FRY: variants seen among roughly 807,000 people sequenced by gnomAD.
FRY encodes the protein FRY microtubule binding protein.
In FRY, 128 loss-of-function variants were observed where a neutral mutation model predicts 348.4. The ratio of observed to expected loss-of-function variants is 0.37; its 90% confidence interval spans 0.32 to 0.43. The LOEUF is 0.43. Among genes scored for constraint, FRY ranks in the 20% least tolerant of loss-of-function variants. FRY has a pLI of 1.00. For synonymous variants in FRY, 1,370 were observed against 1,374.7 expected (o/e 1.00, Z 0.08); for missense variants, 2,736 against 3,695.2 (o/e 0.74, Z 6.73).
intron 58 of FRY, among the ~76,000 whole-genome samples, chr13:32,280,356 C>A (rs1593845334): frequency 6.6e-6 from 1 of 152,212 alleles, no homozygotes; most frequent in East Asian, 1.9e-4. Context: ...CCTATATATG[C>A]ATCTGTGATG....
At chr13:32,135,286 A>T in intron 10 of FRY, 103 bp downstream of exon 10, 1 of 748,574 alleles carries the variant, frequency 1.3e-6, no homozygotes, top group East Asian at 2.6e-5. Flanking sequence ...CAGATAGGAA[A>T]AGTACCTAAA....
At chr13:32,247,978 G>A (rs1226404551) in intron 48 of FRY, among the ~76,000 whole-genome samples, 1 of 152,196 alleles carries the variant, frequency 6.6e-6, no homozygotes, top group Non-Finnish European at 1.5e-5. Context: ...GGGCAGGGGA[G>A]AGAGAGGGAG....
rs917476225 is a variant in FRY, at chr13:32,187,494, A to G, written c.3481-52A>G. On this transcript the variant is annotated intron_variant, in intron 27 of 60. Transcript: ENST00000542859. Reference sequence around the variant, plus strand: ...TGGTTTATAAAGTCAGTTGGATACCATTAGATCATTCCAAGTTTCATTTCC... The same window carrying G: ...TGGTTTATAAAGTCAGTTGGATACCGTTAGATCATTCCAAGTTTCATTTCC... 6.7e-6 allele frequency: 7 copies of G among 1,048,552 alleles called. No homozygotes were observed. In the African/African-American group the frequency reaches 9.3e-5, roughly 14 times the overall value. The allele number at this position is 1,048,552 out of a possible 1,614,324, so 65.0% of individuals were successfully genotyped here.
chr13:32,244,404 A>G (rs933582626), intron 47 of FRY, among the ~76,000 whole-genome samples: 1 of 152,192 alleles, frequency 6.6e-6, no homozygotes, highest in Non-Finnish European at 1.5e-5. Flanking sequence ...TGCCTTTAAA[A>G]GGCACATTTC....
At chr13:32,250,772 T>C (rs1812299755) in intron 49 of FRY, among the ~76,000 whole-genome samples, 1 of 152,168 alleles carries the variant, frequency 6.6e-6, no homozygotes, top group South Asian at 2.1e-4. Context: ...GAATGGAACA[T>C]GTAGCATAGT....
chr13:32,185,991 T>C (rs531524962), intron 26 of FRY, among the ~76,000 whole-genome samples: 27 of 152,316 alleles, frequency 1.8e-4, no homozygotes, highest in African/African-American at 6.3e-4. Context: ...TTCCCAGGTA[T>C]TGATTAGAAA....
intron 35 of FRY, among the ~76,000 whole-genome samples, chr13:32,212,754 C>T (rs1375041117): frequency 6.6e-6 from 1 of 152,188 alleles, no homozygotes; most frequent in African/African-American, 2.4e-5. Flanking sequence ...ATAGAGTAGT[C>T]ATCTTGAGAT....
Position 32,179,717 on chromosome 13 carries a change from G to T in FRY, c.2914G>T (p.Val972Leu), listed in dbSNP as rs1317543771. Residue 972 changes from valine (V) to leucine (L), a missense_variant, in exon 23 of 61, where the codon GTG becomes TTG. Val to Leu is a conservative substitution (Grantham distance 32, BLOSUM62 1). Transcript: ENST00000542859. ...GGTGGGAGTTCTGTTAAAGCAGTTG[G>T]TGCCTTTGATGAGACTAGAGAGCAT... ...PSVGVLLKQL[V>L]PLMRLESIEI... The T allele has an allele frequency of 1.2e-6, 2 of 1,613,812 alleles. No homozygotes were observed. Among genetic ancestry groups the T allele is most frequent in the South Asian group, 1.1e-5 (1 of 91,074 alleles).
intron 36 of FRY, among the ~76,000 whole-genome samples, chr13:32,219,560 C>T (rs1274881019): frequency 6.7e-6 from 1 of 149,422 alleles, no homozygotes; most frequent in African/African-American, 2.4e-5. Context: ...AGATTGAGAC[C>T]ATCCTGGCTA....
intron 23 of FRY, among the ~76,000 whole-genome samples, 194 bp from the exon 24 acceptor site, chr13:32,182,783 A>G (rs567165394): frequency 2.6e-4 from 39 of 152,378 alleles, no homozygotes; most frequent in African/African-American, 9.4e-4. Flanking sequence ...AATTAAGACC[A>G]GTAATACAAA....
chr13:32,049,688 C>T (rs545078653), intron 1 of FRY, among the ~76,000 whole-genome samples: 157 of 152,196 alleles, frequency 1.0e-3, no homozygotes, highest in Non-Finnish European at 1.1e-3. Context: ...ACAATCACTG[C>T]GAGAATGACC....
At chr13:32,112,593 A>G (rs143290288) in intron 3 of FRY, among the ~76,000 whole-genome samples, 47 of 152,350 alleles carry the variant, frequency 3.1e-4, no homozygotes, top group Admixed American at 8.5e-4. Context: ...AATGTGACTT[A>G]TATTCTTAAC....
In FRY at chr13:32,133,768, C is replaced by CTTTTTTTTT. The variant is rs34413710; in HGVS notation, c.886-1122_886-1114dup. ...CTTTCTTTTCTTTCTTTCTTTCTTT[C>CTTTTTTTTT]TTTTTTTTTTTTTTTTTTTTTTGAA... On this transcript the variant is annotated intron_variant, in intron 8 of 60. Transcript: ENST00000542859. Among the ~76,000 whole-genome samples, 841 of 89,276 alleles carry CTTTTTTTTT rather than the reference C, an allele frequency of 9.4e-3. 4 individuals carry two copies. Among genetic ancestry groups the CTTTTTTTTT allele is most frequent in the Non-Finnish European group, 0.013 (592 of 46,696 alleles). The allele number at this position is 89,276 out of a possible 152,430, so 58.6% of individuals were successfully genotyped here.
At chr13:32,154,107 A>C (rs922923568) in intron 14 of FRY, among the ~76,000 whole-genome samples, 1 of 152,178 alleles carries the variant, frequency 6.6e-6, no homozygotes, top group Admixed American at 6.5e-5. Flanking sequence ...TCCCACAGTT[A>C]TTATATTAGT....
At position 32,244,034 on chromosome 13, in the gene FRY, C is replaced by T; in HGVS notation, c.6688-8C>T. The T allele has an allele frequency of 6.2e-7, 1 of 1,613,626 alleles. No individual in the cohort carries two copies. Among genetic ancestry groups the T allele is most frequent in the South Asian group, 1.1e-5 (1 of 91,058 alleles). On this transcript the variant is annotated splice_region_variant and splice_polypyrimidine_tract_variant and intron_variant, in intron 46 of 60. Transcript: ENST00000542859. ...GTGACTGACTCCAGCCGCACTTTGC[C>T]CCCACAGCTGCTGGAGAAGGGCCTC...
intron 54 of FRY, among the ~76,000 whole-genome samples, chr13:32,266,073 A>AC (rs1887913883): frequency 6.6e-6 from 1 of 152,156 alleles, no homozygotes; most frequent in South Asian, 2.1e-4. Context: ...AGAAAAAAAA[A>AC]ATGTGAAGAG....
intron 2 of FRY, among the ~76,000 whole-genome samples, chr13:32,079,322 T>G (rs1054840666): frequency 2.0e-5 from 3 of 152,122 alleles, no homozygotes; most frequent in African/African-American, 7.2e-5. Context: ...ATCAAAGAAG[T>G]GTCAATCACA....
intron 29 of FRY, among the ~76,000 whole-genome samples, chr13:32,198,168 A>C (rs1331392577): frequency 1.3e-5 from 2 of 152,202 alleles, no homozygotes; most frequent in Non-Finnish European, 2.9e-5. Context: ...TCAACAACAA[A>C]ATAAATGCTC....
chr13:32,223,003 G>T (rs976586409), intron 36 of FRY, among the ~76,000 whole-genome samples: 1 of 152,086 alleles, frequency 6.6e-6, no homozygotes, highest in African/African-American at 2.4e-5. Context: ...AGCCAGGCTG[G>T]AGTGCAGTGG....
Sources: allele counts gnomAD v4.1 joint callset (sites outside exome capture counted in the v4.1 genomes callset), GRCh38; gene constraint gnomAD v4.1.1; transcripts MANE v1.5; gene names NCBI Gene and HGNC (gene_info 2026-07-23, HGNC 2026-07-21).